Variants in MZT2B observed in about 807,000 individuals in gnomAD.
MZT2B encodes the protein mitotic-spindle organizing protein 2B.
A neutral mutation model predicts 12.1 loss-of-function variants in MZT2B; 11 were observed. That is an observed-to-expected ratio of 0.91 (90% CI 0.57 to 1.50). The LOEUF (loss-of-function observed/expected upper bound fraction) is 1.50. Ranked by LOEUF, MZT2B falls within the 40% of genes most tolerant of loss-of-function variation. MZT2B has a pLI of 0.00. For synonymous variants in MZT2B, 85 were observed against 109.5 expected (o/e 0.78, Z 1.40); for missense variants, 209 against 227.7 (o/e 0.92, Z 0.53).
rs553233851 is a variant in MZT2B, at chr2:130,184,180, T to C, written c.319+1405T>C. 1.1e-5 allele frequency: 16 copies of C among 1,447,588 alleles called. No individual in the cohort carries two copies. The East Asian group carries it at 1.3e-4, about 11-fold the overall frequency. The allele number at this position is 1,447,588 out of a possible 1,614,324, so 89.7% of individuals were successfully genotyped here. A position where few individuals can be genotyped will look rare whatever the true frequency, so the allele number is the denominator to read the frequency against. ...TAGACCCCACAGTCGGGCTGGCATC[T>C]GGGGACAGGACCAACACCCCCACAC... On this transcript the variant is annotated intron_variant, in intron 2 of 2. Coordinates refer to ENST00000281871, the MANE Select transcript of MZT2B (RefSeq NM_025029.5).
At chr2:130,190,794 C>G (rs184597945), downstream of MZT2B, 464 of 1,351,356 alleles carry the variant, frequency 3.4e-4, 1 homozygote, top group African/African-American at 6.5e-3. Context: ...AATGAAGTTT[C>G]TGTGCCGGTC....
chr2:130,188,883 A>C (rs190827767), intron 2 of MZT2B, among the ~76,000 whole-genome samples: 1 of 151,872 alleles, frequency 6.6e-6, no homozygotes, highest in Non-Finnish European at 1.5e-5. Context: ...GACCTAATGG[A>C]TCTCTAGACA....
downstream of MZT2B, chr2:130,192,161 G>A: frequency 6.4e-7 from 1 of 1,569,802 alleles, no homozygotes; most frequent in Non-Finnish European, 8.6e-7. Flanking sequence ...AGTCCGTGAA[G>A]CTTATATCAA....
chr2:130,185,487 A>AG (rs1690026477), intron 2 of MZT2B, among the ~76,000 whole-genome samples: 3 of 119,858 alleles, frequency 2.5e-5, no homozygotes, highest in African/African-American at 9.1e-5. Context: ...CTCAAAAAAA[A>AG]AAAAAAAAGA....
At chr2:130,185,952 G>A (rs943467498) in intron 2 of MZT2B, among the ~76,000 whole-genome samples, 1 of 152,116 alleles carries the variant, frequency 6.6e-6, no homozygotes, top group African/African-American at 2.4e-5. Flanking sequence ...TGGAGATAGA[G>A]TGGAACCTGA....
Position 130,190,459 on chromosome 2 carries a change from G to A in MZT2B, c.320-10G>A, listed in dbSNP as rs1221891072. On this transcript the variant is annotated splice_polypyrimidine_tract_variant and intron_variant, in intron 2 of 2. Coordinates refer to ENST00000281871, the MANE Select transcript of MZT2B (RefSeq NM_025029.5). ...CCCATTCCTAATCATTGTGCTTTGT[G>A]TCTCCTCAGGGAGAAACAAAGGCAG... 1.2e-6 allele frequency: 2 copies of A among 1,612,590 alleles called. No individual in the cohort carries two copies. The highest frequency in any genetic ancestry group is 2.2e-5 in the South Asian group (2 of 91,070).
chr2:130,201,806 T>C, the MZT2B span, among the ~76,000 whole-genome samples: 6 of 152,214 alleles, frequency 3.9e-5, no homozygotes, highest in Non-Finnish European at 8.8e-5. Context: ...TGCAGCCTAC[T>C]GCACACCTAG....
the MZT2B span, among the ~76,000 whole-genome samples, chr2:130,201,918 T>G: frequency 6.6e-6 from 1 of 152,186 alleles, no homozygotes; most frequent in Admixed American, 6.5e-5. Flanking sequence ...GTATTATAAC[T>G]TTATGGGACC....
chr2:130,191,124 G>T (rs1376712530), downstream of MZT2B, among the ~76,000 whole-genome samples: 3 of 151,926 alleles, frequency 2.0e-5, no homozygotes, highest in African/African-American at 7.3e-5. Flanking sequence ...TAATTTTGTT[G>T]TATTTTTAGT....
downstream of MZT2B, among the ~76,000 whole-genome samples, chr2:130,195,599 G>A (rs548979445): frequency 6.6e-6 from 1 of 152,348 alleles, no homozygotes; most frequent in Admixed American, 6.5e-5. Context: ...TGTGACTTCT[G>A]CAGGGCAGTC....
At chr2:130,192,148 A>G (rs767952903), downstream of MZT2B, 11 of 1,588,810 alleles carry the variant, frequency 6.9e-6, no homozygotes, top group Non-Finnish European at 9.4e-6. Flanking sequence ...AGGGAAAGAA[A>G]GCAGTCCGTG....
chr2:130,197,620 TG>T, the MZT2B span, among the ~76,000 whole-genome samples: 1 of 128,058 alleles, frequency 7.8e-6, no homozygotes. Flanking sequence ...TTTTTTTGTT[TG>T]GTTTTTTGAG....
rs1194161032 is a variant in MZT2B, at chr2:130,190,467, A to G, written c.320-2A>G. ...TAATCATTGTGCTTTGTGTCTCCTCAGGGAGAAACAAAGGCAGCGCTGCCC... is the reference window on the plus strand; with the variant it reads ...TAATCATTGTGCTTTGTGTCTCCTCGGGGAGAAACAAAGGCAGCGCTGCCC... On this transcript the variant is annotated splice_acceptor_variant, in intron 2 of 2. Transcript: ENST00000281871. LOFTEE classifies it high-confidence loss of function. 4 of 1,613,130 alleles carry G rather than the reference A, an allele frequency of 2.5e-6. No individual in the cohort carries two copies. Among genetic ancestry groups the G allele is most frequent in the Non-Finnish European group, 3.4e-6 (4 of 1,179,566 alleles).
intron 2 of MZT2B, among the ~76,000 whole-genome samples, chr2:130,188,753 G>T (rs1348226058): frequency 2.0e-5 from 3 of 152,098 alleles, no homozygotes; most frequent in Non-Finnish European, 4.4e-5. Context: ...GGTATGGGGA[G>T]AATTTTCTGG....
chr2:130,200,390 CAAAA>C, the MZT2B span, among the ~76,000 whole-genome samples: 1 of 124,396 alleles, frequency 8.0e-6, no homozygotes, highest in Non-Finnish European at 1.7e-5. Context: ...GACTCTGTCT[CAAAA>C]AAAAAAAAAA....
chr2:130,184,489 C>T (rs1689979175), intron 2 of MZT2B: 9 of 985,438 alleles, frequency 9.1e-6, no homozygotes, highest in Non-Finnish European at 1.1e-5. Context: ...AGCACACTTT[C>T]CAGGTGTCAG....
chr2:130,182,078 T>C (rs970992576), upstream of MZT2B: 1 of 1,349,464 alleles, frequency 7.4e-7, no homozygotes, highest in Middle Eastern at 2.9e-4. Context: ...CACTCCCGGC[T>C]CCTAGAGCGC....
chr2:130,182,502 C>A, intron 1 of MZT2B, 50 bp downstream of exon 1: 1 of 1,541,492 alleles, frequency 6.5e-7, no homozygotes, highest in South Asian at 1.2e-5. Flanking sequence ...CCCCCGACCT[C>A]TGCTTTCCGG....
In MZT2B at chr2:130,183,121, G is replaced by A. The variant is rs1689851145; in HGVS notation, c.319+346G>A. 1.2e-5 allele frequency: 5 copies of A among 430,368 alleles called. No homozygotes were observed. The South Asian group carries it at 1.4e-4, about 12-fold the overall frequency. The allele number at this position is 430,368 out of a possible 1,614,324, so 26.7% of individuals were successfully genotyped here. ...GCCCTGGCTCACGCCTATAATCTTTGGGACCCCAGGGCGGGAGGATCGTTT... is the reference window on the plus strand; with the variant it reads ...GCCCTGGCTCACGCCTATAATCTTTAGGACCCCAGGGCGGGAGGATCGTTT... On this transcript the variant is annotated intron_variant, in intron 2 of 2. Coordinates refer to ENST00000281871, the MANE Select transcript of MZT2B (RefSeq NM_025029.5).
Sources: allele counts gnomAD v4.1 joint callset (sites outside exome capture counted in the v4.1 genomes callset), GRCh38; gene constraint gnomAD v4.1.1; transcripts MANE v1.5; gene names NCBI Gene and HGNC (gene_info 2026-07-23, HGNC 2026-07-21).